MEF2D: variants seen among roughly 807,000 people sequenced by gnomAD.
MEF2D encodes myocyte-specific enhancer factor 2D.
MEF2D carries 10 observed loss-of-function variants against 59.3 expected under a neutral mutation model. The observed-to-expected ratio is 0.17, with a 90% confidence interval of 0.10 to 0.29. The LOEUF is 0.29. Ranked by LOEUF, MEF2D falls within the 10% of genes least tolerant of loss-of-function variation. The pLI, the probability that MEF2D is intolerant of heterozygous loss-of-function variation, is 1.00. For synonymous variants in MEF2D, 305 were observed against 295.0 expected (o/e 1.03, Z -0.35); for missense variants, 508 against 699.4 (o/e 0.73, Z 3.09).
chr1:156,484,311 T>C (rs1352439159), intron 1 of MEF2D: 1 of 152,236 alleles, frequency 6.6e-6, no homozygotes, highest in African/African-American at 2.4e-5. Flanking sequence ...GATAGTAATA[T>C]TTCAGGCTTT....
At chr1:156,476,914 C>T in intron 7 of MEF2D, 98 bp downstream of exon 7, 1 of 1,410,664 alleles carries the variant, frequency 7.1e-7, no homozygotes, top group South Asian at 1.2e-5. Flanking sequence ...GTCCTAACTG[C>T]TGGCTAGCCT....
Position 156,466,622 on chromosome 1 carries a change from C to T in MEF2D, c.*1023G>A, listed in dbSNP as rs1670863038. On this transcript the variant is annotated 3_prime_UTR_variant, in exon 12 of 12. Coordinates refer to ENST00000348159, the MANE Select transcript of MEF2D (RefSeq NM_005920.4). ...GCGTGCAAGACCAAGGACGTCCCCT[C>T]ACCACACTCGCCCCAATGAAAGAGC... 6.5e-6 allele frequency: 1 copy of T among 152,790 alleles called. No individual in the cohort carries two copies. The highest frequency in any genetic ancestry group is 1.5e-5 in the Non-Finnish European group (1 of 68,180). 9.5% of individuals were successfully genotyped at this position (152,790 alleles called of 1,614,324 possible).
chr1:156,494,883 C>T (rs951335711), intron 1 of MEF2D, among the ~76,000 whole-genome samples: 3 of 152,136 alleles, frequency 2.0e-5, no homozygotes, highest in Admixed American at 6.5e-5. Flanking sequence ...AGGGAGTCTC[C>T]CTCCACCGGG....
chr1:156,480,110 G>A (rs1671896877), intron 4 of MEF2D, among the ~76,000 whole-genome samples: 1 of 152,148 alleles, frequency 6.6e-6, no homozygotes, highest in Non-Finnish European at 1.5e-5. Context: ...AGCCAGGCAG[G>A]ACACACGGGG....
chr1:156,483,110 C>T (rs1672127726), intron 2 of MEF2D, 129 bp downstream of exon 2: 1 of 987,222 alleles, frequency 1.0e-6, no homozygotes, highest in Admixed American at 1.9e-5. Context: ...TCCCAATCTC[C>T]CTTCCCCTTC....
At chr1:156,478,433 C>T (rs1557883516) in intron 6 of MEF2D, among the ~76,000 whole-genome samples, 1 of 152,138 alleles carries the variant, frequency 6.6e-6, no homozygotes, top group Non-Finnish European at 1.5e-5. Flanking sequence ...TGACGTCAAT[C>T]GTGACATTCG....
chr1:156,476,697 C>T (rs947243413), intron 7 of MEF2D, among the ~76,000 whole-genome samples, 183 bp from the exon 8 acceptor site: 15 of 152,218 alleles, frequency 9.9e-5, no homozygotes, highest in African/African-American at 3.6e-4. Flanking sequence ...TCCCAATCTC[C>T]ACCAGTGAGG....
Position 156,468,855 on chromosome 1 carries a change from G to GGCTGTGGCT in MEF2D, c.1163_1171dup (p.Gln388_Gln390dup), listed in dbSNP as rs770903307. 5.0e-6 allele frequency: 8 copies of GGCTGTGGCT among 1,613,800 alleles called. No homozygotes were observed. The highest frequency in any genetic ancestry group is 2.7e-5 in the African/African-American group (2 of 74,902). On this transcript the variant is annotated inframe_insertion, in exon 10 of 12. Transcript: ENST00000348159. This position sits in a 1 kb window ranked among gnomAD's most constrained non-coding sequence, Gnocchi z 4.3. ...CTGTTGCGGCTGCTGAGGCTGCTGT[G>GGCTGTGGCT]GCTGTGGCTGCTGTGGCTGCGGTGG...
chr1:156,464,033 C>T lies in MEF2D; in HGVS notation c.*3612G>A, dbSNP rs1406678512. The T allele has an allele frequency of 6.6e-6, 1 of 152,646 alleles. No homozygotes were observed. The highest frequency in any genetic ancestry group is 2.4e-5 in the African/African-American group (1 of 41,448). The allele number at this position is 152,646 out of a possible 1,614,324, so 9.5% of individuals were successfully genotyped here. ...CTCCCTTCCTCTTCCTCACCACCTCCCTCCCTCTGGAGAATGGGGAAGAGG... is the reference window on the plus strand; with the variant it reads ...CTCCCTTCCTCTTCCTCACCACCTCTCTCCCTCTGGAGAATGGGGAAGAGG... On this transcript the variant is annotated 3_prime_UTR_variant, in exon 12 of 12. Coordinates refer to ENST00000348159, the MANE Select transcript of MEF2D (RefSeq NM_005920.4).
At chr1:156,470,418 CAAA>C (rs559803073) in intron 9 of MEF2D, among the ~76,000 whole-genome samples, 3 of 111,098 alleles carry the variant, frequency 2.7e-5, no homozygotes, top group African/African-American at 3.3e-5. Context: ...GACTCTGTTT[CAAA>C]AAAAAAAAAA....
At chr1:156,486,136 T>C (rs1454359701) in intron 1 of MEF2D, among the ~76,000 whole-genome samples, 1 of 152,054 alleles carries the variant, frequency 6.6e-6, no homozygotes, top group Non-Finnish European at 1.5e-5. Flanking sequence ...CTCCTACTGG[T>C]ACCCTGGGAC....
chr1:156,475,762 G>A (rs1022523750), intron 8 of MEF2D, among the ~76,000 whole-genome samples: 2 of 152,238 alleles, frequency 1.3e-5, no homozygotes, highest in Admixed American at 6.5e-5. Context: ...AACTGCCGCC[G>A]TGTTGGCCGC....
chr1:156,481,329 T>C (rs1031243789), intron 3 of MEF2D, among the ~76,000 whole-genome samples: 1 of 152,174 alleles, frequency 6.6e-6, no homozygotes, highest in South Asian at 2.1e-4. Context: ...GATCAGTCCC[T>C]GCCCGACCAC....
At chr1:156,476,605 T>C in intron 7 of MEF2D, 91 bp from the exon 8 acceptor site, 1 of 1,509,538 alleles carries the variant, frequency 6.6e-7, no homozygotes, top group Middle Eastern at 1.7e-4. Context: ...CAGTCACCTC[T>C]CTGCATAAGA....
chr1:156,486,639 T>C (rs1672384748), intron 1 of MEF2D, among the ~76,000 whole-genome samples: 2 of 152,184 alleles, frequency 1.3e-5, no homozygotes, highest in Non-Finnish European at 2.9e-5. Context: ...CTCTCTTTGT[T>C]CTCATGACCC....
chr1:156,478,158 A>G (rs978499161), intron 6 of MEF2D, among the ~76,000 whole-genome samples: 2 of 152,158 alleles, frequency 1.3e-5, no homozygotes, highest in African/African-American at 2.4e-5. Context: ...GTCTACAAGC[A>G]TTTCTCTGGC....
chr1:156,486,341 T>C (rs2102183372), intron 1 of MEF2D, among the ~76,000 whole-genome samples: 2 of 152,282 alleles, frequency 1.3e-5, no homozygotes, highest in East Asian at 1.9e-4. Context: ...GCTACAGTGG[T>C]GTGGGCTTTG....
At chr1:156,484,819 T>A (rs1000301620) in intron 1 of MEF2D, among the ~76,000 whole-genome samples, 1 of 152,144 alleles carries the variant, frequency 6.6e-6, no homozygotes, top group African/African-American at 2.4e-5. Flanking sequence ...AAAAGGCGCA[T>A]TCTCTCCGGT....
Position 156,482,648 on chromosome 1 carries a change from G to A in MEF2D, c.55-8C>T. ...CCGCTTGGTGAAAGTCACCTGCAGA[G>A]AAGGATGGGTGGGCGGCCAGATCTG... On this transcript the variant is annotated splice_polypyrimidine_tract_variant and splice_region_variant and intron_variant, in intron 2 of 11. Coordinates refer to ENST00000348159, the MANE Select transcript of MEF2D (RefSeq NM_005920.4). The A allele has an allele frequency of 1.2e-6, 2 of 1,614,166 alleles. No individual in the cohort carries two copies. The highest frequency in any genetic ancestry group is 2.2e-5 in the South Asian group (2 of 91,086).
Sources: gnomAD v4.1 joint callset for allele counts (sites outside exome capture counted in the v4.1 genomes callset) on GRCh38, gnomAD v4.1.1 for gene constraint, Gnocchi (gnomAD v3.1) non-coding constraint, MANE v1.5 for transcripts, NCBI Gene and HGNC (gene_info 2026-07-23, HGNC 2026-07-21) for gene names.